The following TXLNB variants were observed in gnomAD, a reference collection of about 807,000 sequenced individuals.
TXLNB encodes beta-taxilin.
Under a neutral mutation model 57.4 loss-of-function variants are expected in TXLNB, and 37 were observed. The ratio of observed to expected loss-of-function variants is 0.64; its 90% CI spans 0.50 to 0.85. The LOEUF (loss-of-function observed/expected upper bound fraction) is 0.85. Ranked by LOEUF, TXLNB falls within the 40% of genes least tolerant of loss-of-function variation. TXLNB has a pLI of 0.00. For synonymous variants in TXLNB, 302 were observed against 309.6 expected (o/e 0.98, Z 0.26); for missense variants, 848 against 825.6 (o/e 1.03, Z -0.33).
the TXLNB span, among the ~76,000 whole-genome samples, chr6:139,184,834 G>C: frequency 6.6e-6 from 1 of 152,090 alleles, no homozygotes; most frequent in Admixed American, 6.5e-5. Flanking sequence ...ACTTGATCAG[G>C]GTTTATTGGA....
At chr6:139,309,729 A>G in the TXLNB span, among the ~76,000 whole-genome samples, 19 of 152,196 alleles carry the variant, frequency 1.2e-4, no homozygotes, top group Non-Finnish European at 2.1e-4. Context: ...GTTGGAGACC[A>G]GCTTGGCAAC....
chr6:139,253,085 A>G (rs191269405), intron 7 of TXLNB, among the ~76,000 whole-genome samples: 1 of 152,336 alleles, frequency 6.6e-6, no homozygotes, highest in Non-Finnish European at 1.5e-5. Context: ...TAATACTACT[A>G]GTTCATACAC....
chr6:139,212,756 T>C, the TXLNB span, among the ~76,000 whole-genome samples: 1 of 152,034 alleles, frequency 6.6e-6, no homozygotes, highest in East Asian at 1.9e-4. Context: ...GAGACACATA[T>C]AGGCTCAAAA....
chr6:139,234,085 G>C, the TXLNB span: 3 of 152,366 alleles, frequency 2.0e-5, no homozygotes, highest in African/African-American at 7.2e-5. Context: ...CCCTGCCCTA[G>C]AGACCTGTGG....
chr6:139,172,118 A>C, the TXLNB span, among the ~76,000 whole-genome samples: 1 of 152,102 alleles, frequency 6.6e-6, no homozygotes, highest in Non-Finnish European at 1.5e-5. Context: ...GGCGTGAGCC[A>C]CTGCGCCCAG....
At chr6:139,281,663 C>T (rs1777055529) in intron 2 of TXLNB, among the ~76,000 whole-genome samples, 1 of 108,252 alleles carries the variant, frequency 9.2e-6, no homozygotes. Context: ...ATTCTCCTGC[C>T]TCAGCCTCCC....
the TXLNB span, among the ~76,000 whole-genome samples, chr6:139,162,836 C>G: frequency 1.1e-4 from 16 of 152,322 alleles, 1 homozygote; most frequent in South Asian, 3.3e-3. Context: ...TTTGTTCCCT[C>G]TCATATGTCT....
At chr6:139,265,600 T>A (rs1380774017) in intron 4 of TXLNB, among the ~76,000 whole-genome samples, 1 of 152,248 alleles carries the variant, frequency 6.6e-6, no homozygotes, top group East Asian at 1.9e-4. Context: ...TTAGGTACAC[T>A]TAAGGTGTTT....
intron 6 of TXLNB, 72 bp downstream of exon 6, chr6:139,260,246 A>G: frequency 2.0e-6 from 3 of 1,524,280 alleles, no homozygotes; most frequent in Non-Finnish European, 2.7e-6. Flanking sequence ...AAATAAATAC[A>G]AAACAACTTG....
At chr6:139,159,441 A>G in the TXLNB span, among the ~76,000 whole-genome samples, 5 of 152,166 alleles carry the variant, frequency 3.3e-5, no homozygotes, top group Admixed American at 3.3e-4. Flanking sequence ...ACTTACACAT[A>G]AATGTCTTTT....
rs1346880144 is a variant in TXLNB, at chr6:139,243,039, C to G, written c.1542G>C (p.Glu514Asp). 1.2e-6 allele frequency: 2 copies of G among 1,613,998 alleles called. No homozygotes were observed. Among genetic ancestry groups the G allele is most frequent in the South Asian group, 2.2e-5 (2 of 91,082 alleles). ...ATAFMIIHHPESTPHQSKETQ... is the reference protein window; with the variant it reads ...ATAFMIIHHPDSTPHQSKETQ... ...TTTCTTTGGACTGGTGCGGGGTTGA[C>G]TCTGGATGATGAATTATCATGAAGG... Residue 514 changes from glutamate (E) to aspartate (D), a missense_variant, in exon 10 of 10, where the codon GAG (glutamate) becomes GAC (aspartate). By Grantham distance (45) the Glu-to-Asp change is conservative (BLOSUM62 2). Coordinates refer to ENST00000358430, the MANE Select transcript of TXLNB (RefSeq NM_153235.4).
the TXLNB span, chr6:139,167,248 A>G: frequency 2.5e-6 from 4 of 1,613,814 alleles, no homozygotes; most frequent in East Asian, 2.2e-5. Flanking sequence ...AACAGTTCCC[A>G]CTGGTGGATG....
At chr6:139,238,924 A>G (rs1010313190), downstream of TXLNB, among the ~76,000 whole-genome samples, 4 of 152,198 alleles carry the variant, frequency 2.6e-5, no homozygotes, top group Non-Finnish European at 5.9e-5. Context: ...ATTGTCCTGA[A>G]ACCATCTGCC....
At chr6:139,201,165 A>C in the TXLNB span, among the ~76,000 whole-genome samples, 11 of 152,218 alleles carry the variant, frequency 7.2e-5, no homozygotes, top group African/African-American at 2.7e-4. Flanking sequence ...ACTTCACAAT[A>C]TCTGGAACTT....
the TXLNB span, among the ~76,000 whole-genome samples, chr6:139,221,535 T>G: frequency 6.6e-6 from 1 of 152,092 alleles, no homozygotes. Flanking sequence ...ATCTGGTATA[T>G]CTCTAGGCAA....
chr6:139,281,308 A>G (rs566336829), intron 2 of TXLNB, among the ~76,000 whole-genome samples: 1 of 152,178 alleles, frequency 6.6e-6, no homozygotes, highest in Non-Finnish European at 1.5e-5. Context: ...TTTTTAATTT[A>G]CAAAGGTTCT....
intron 6 of TXLNB, among the ~76,000 whole-genome samples, chr6:139,257,166 T>C (rs1352650633): frequency 1.3e-5 from 2 of 152,210 alleles, no homozygotes; most frequent in African/African-American, 4.8e-5. Context: ...ATCCACAGTG[T>C]GCCATGTAAG....
chr6:139,264,088 TA>T (rs965208926), intron 4 of TXLNB, among the ~76,000 whole-genome samples: 16 of 152,234 alleles, frequency 1.1e-4, no homozygotes, highest in African/African-American at 3.6e-4. Flanking sequence ...ATTCATGTTA[TA>T]AACCTTTATT....
chr6:139,320,905 G>T, the TXLNB span, among the ~76,000 whole-genome samples: 2 of 152,124 alleles, frequency 1.3e-5, no homozygotes, highest in East Asian at 3.9e-4. Context: ...AGATGTATTT[G>T]TTAGAGCTAC....
Sources: gnomAD v4.1 joint callset for allele counts (sites outside exome capture counted in the v4.1 genomes callset) on GRCh38, gnomAD v4.1.1 for gene constraint, MANE v1.5 for transcripts, NCBI Gene and HGNC (gene_info 2026-07-23, HGNC 2026-07-21) for gene names.